Variants in SH3BGRL2 observed in about 807,000 individuals in gnomAD.
SH3BGRL2 encodes the protein SH3 domain binding glutamate rich protein like 2, also known as SH3 domain-binding glutamic acid-rich-like protein 2.
In SH3BGRL2, 21 loss-of-function variants were observed where a neutral mutation model predicts 14.8. The observed-to-expected ratio is 1.42, with a 90% CI of 1.01 to 2.05. The LOEUF is 2.05. SH3BGRL2 is among the 30% of genes most tolerant of loss of function. SH3BGRL2 has a pLI of 0.00. For missense variants in SH3BGRL2, 147 were observed against 130.8 expected, an observed-to-expected ratio of 1.12 and a Z score of -0.61; for synonymous variants, 50 against 47.8, an observed-to-expected ratio of 1.05 and a Z score of -0.19.
chr6:79,673,679 G>A lies in SH3BGRL2; in HGVS notation c.111G>A (p.Val37=). ...LEANKIEFEE[V]DITMSEEQRQ... is the part of the protein sequence containing the mutation. The stretch of plus-strand genomic sequence containing the variant: ...CCAACAAGATAGAGTTTGAGGAGGT[G>A]GATATCACAATGTCAGAAGAACAGA... Residue 37 remains valine, a synonymous_variant, in exon 2 of 4, where the codon GTG becomes GTA. Coordinates refer to ENST00000369838, the MANE Select transcript of SH3BGRL2 (RefSeq NM_031469.4). The A allele has an allele frequency of 6.2e-7, 1 of 1,614,056 alleles. No homozygotes were observed. Among genetic ancestry groups the A allele is most frequent in the Non-Finnish European group, 8.5e-7 (1 of 1,179,994 alleles).
the SH3BGRL2 span, among the ~76,000 whole-genome samples, chr6:79,609,202 T>G: frequency 6.6e-6 from 1 of 152,182 alleles, no homozygotes; most frequent in Admixed American, 6.5e-5. Context: ...GGTATGTATT[T>G]GAGGCTGGTG....
chr6:79,697,673 A>G (rs1389410677), intron 3 of SH3BGRL2, among the ~76,000 whole-genome samples: 1 of 152,210 alleles, frequency 6.6e-6, no homozygotes, highest in African/African-American at 2.4e-5. Flanking sequence ...AAACCCACGC[A>G]TGCCGTATTT....
At chr6:79,663,144 T>C (rs1254794958) in intron 1 of SH3BGRL2, among the ~76,000 whole-genome samples, 5 of 152,202 alleles carry the variant, frequency 3.3e-5, no homozygotes, top group African/African-American at 1.2e-4. Flanking sequence ...TGAAGCCTAC[T>C]TCTGTCTACT....
the SH3BGRL2 span, among the ~76,000 whole-genome samples, chr6:79,623,879 T>A: frequency 2.0e-5 from 3 of 152,360 alleles, no homozygotes; most frequent in East Asian, 5.8e-4. Flanking sequence ...TTAAGCTGAC[T>A]TTTCCATTTT....
At chr6:79,556,053 A>G in the SH3BGRL2 span, among the ~76,000 whole-genome samples, 8 of 150,716 alleles carry the variant, frequency 5.3e-5, no homozygotes, top group Non-Finnish European at 1.0e-4. Flanking sequence ...CATCAAACAC[A>G]TAGCAAGTGA....
At chr6:79,680,010 A>G (rs1012198730) in intron 2 of SH3BGRL2, among the ~76,000 whole-genome samples, 6 of 152,068 alleles carry the variant, frequency 3.9e-5, no homozygotes, top group African/African-American at 1.4e-4. Flanking sequence ...ATTGGCAAAT[A>G]TTTTCCTCCA....
the SH3BGRL2 span, among the ~76,000 whole-genome samples, chr6:79,558,990 A>T: frequency 6.6e-6 from 1 of 152,176 alleles, no homozygotes; most frequent in Non-Finnish European, 1.5e-5. Flanking sequence ...GCTGAGGGGA[A>T]CTCCCACTGG....
At chr6:79,633,894 G>C (rs868154136) in intron 1 of SH3BGRL2, among the ~76,000 whole-genome samples, 1 of 152,234 alleles carries the variant, frequency 6.6e-6, no homozygotes, top group Non-Finnish European at 1.5e-5. Context: ...AATGGGGCCA[G>C]TAGCATTAAG....
At chr6:79,673,260 G>A (rs1242620868) in intron 1 of SH3BGRL2, among the ~76,000 whole-genome samples, 1 of 152,034 alleles carries the variant, frequency 6.6e-6, no homozygotes, top group African/African-American at 2.4e-5. Context: ...CAGAGTTCTG[G>A]GGAGTCTAGG....
At chr6:79,612,209 G>A in the SH3BGRL2 span, among the ~76,000 whole-genome samples, 26,466 of 152,040 alleles carry the variant, frequency 0.17, 2,411 homozygotes, top group South Asian at 0.22. Flanking sequence ...GCTGAGGCAG[G>A]AGAATCACTT....
At chr6:79,662,815 T>G (rs1215799303) in intron 1 of SH3BGRL2, among the ~76,000 whole-genome samples, 1 of 152,198 alleles carries the variant, frequency 6.6e-6, no homozygotes, top group Non-Finnish European at 1.5e-5. Context: ...TTTCACATAG[T>G]CCCATATTTC....
At chr6:79,690,380 C>T (rs1172507347) in intron 2 of SH3BGRL2, among the ~76,000 whole-genome samples, 2 of 152,108 alleles carry the variant, frequency 1.3e-5, no homozygotes, top group Non-Finnish European at 2.9e-5. Context: ...GTTACTAGCC[C>T]TCAATTTTTC....
At chr6:79,545,819 G>T in the SH3BGRL2 span, among the ~76,000 whole-genome samples, 1 of 152,112 alleles carries the variant, frequency 6.6e-6, no homozygotes, top group Non-Finnish European at 1.5e-5. Flanking sequence ...AAGCCTGATG[G>T]TAGTCTTAGC....
chr6:79,689,027 C>G (rs933431937), intron 2 of SH3BGRL2, among the ~76,000 whole-genome samples: 2 of 151,922 alleles, frequency 1.3e-5, no homozygotes, highest in African/African-American at 4.8e-5. Context: ...TTGTTACTAA[C>G]ATGATATACC....
At chr6:79,546,862 A>C in the SH3BGRL2 span, among the ~76,000 whole-genome samples, 527 of 151,902 alleles carry the variant, frequency 3.5e-3, 7 homozygotes, top group African/African-American at 0.012. Context: ...TTGTATTTTT[A>C]GTAGAGACGG....
chr6:79,571,565 A>G, the SH3BGRL2 span, among the ~76,000 whole-genome samples: 1 of 152,172 alleles, frequency 6.6e-6, no homozygotes, highest in Non-Finnish European at 1.5e-5. Flanking sequence ...ATATACATGC[A>G]CACTGTAAAA....
At chr6:79,555,892 A>G in the SH3BGRL2 span, among the ~76,000 whole-genome samples, 2 of 152,192 alleles carry the variant, frequency 1.3e-5, no homozygotes, top group Non-Finnish European at 2.9e-5. Context: ...GTGCTATGAA[A>G]TTTTTTTAAA....
chr6:79,697,247 CT>C (rs1486767483), intron 3 of SH3BGRL2, among the ~76,000 whole-genome samples: 2 of 151,852 alleles, frequency 1.3e-5, no homozygotes, highest in Admixed American at 6.6e-5. Context: ...GCCTAGACTC[CT>C]TTTTTTGAAT....
the SH3BGRL2 span, among the ~76,000 whole-genome samples, chr6:79,611,404 C>CTT: frequency 4.9e-3 from 603 of 123,680 alleles, 20 homozygotes; most frequent in African/African-American, 0.016. Flanking sequence ...CAGTATATAA[C>CTT]TTTTTTTTTT....
Sources: gnomAD v4.1 joint callset for allele counts (sites outside exome capture counted in the v4.1 genomes callset) on GRCh38, gnomAD v4.1.1 for gene constraint, MANE v1.5 for transcripts, NCBI Gene and HGNC (gene_info 2026-07-23, HGNC 2026-07-21) for gene names.